The following TXNL1 variants were observed in gnomAD, a reference collection of about 807,000 sequenced individuals.
TXNL1 encodes thioredoxin-like protein 1.
In TXNL1, 14 loss-of-function variants were observed where a neutral mutation model predicts 35.5. The ratio of observed to expected loss-of-function variants is 0.39; its 90% CI spans 0.26 to 0.62. The LOEUF is 0.62. Among genes scored for constraint, TXNL1 ranks in the 20% least tolerant of loss-of-function variants. TXNL1 has a pLI of 0.47. For missense variants in TXNL1, 263 were observed against 349.7 expected, an observed-to-expected ratio of 0.75 and a Z score of 1.98; for synonymous variants, 110 against 115.5, an observed-to-expected ratio of 0.95 and a Z score of 0.31.
intron 1 of TXNL1, among the ~76,000 whole-genome samples, chr18:56,631,013 T>G (rs1161762815): frequency 6.6e-6 from 1 of 152,030 alleles, no homozygotes; most frequent in Non-Finnish European, 1.5e-5. Flanking sequence ...CCCAAGCAGC[T>G]GAGACTACAG....
chr18:56,614,570 A>C lies in TXNL1; in HGVS notation c.589T>G (p.Phe197Val). ...TCCATAGATCGGGGTAGGTTGATAAAAATTTTTACATATTTAGGGCCCTGA... is the reference window on the plus strand; with the variant it reads ...TCCATAGATCGGGGTAGGTTGATAACAATTTTTACATATTTAGGGCCCTGA... ...NGQGPKYVKI[F>V]INLPRSMDFE... Residue 197 changes from phenylalanine to valine, a missense_variant, in exon 6 of 8, where the codon TTT (phenylalanine) becomes GTT (valine). Physicochemically the swap from Phe to Val is conservative, Grantham distance 50. Coordinates refer to ENST00000217515, the MANE Select transcript of TXNL1 (RefSeq NM_004786.3). The C allele has an allele frequency of 6.2e-7, 1 of 1,613,528 alleles. No homozygotes were observed. The highest frequency in any genetic ancestry group is 8.5e-7 in the Non-Finnish European group (1 of 1,179,854).
At chr18:56,614,694 C>T in intron 5 of TXNL1, 98 bp from the exon 6 acceptor site, 1 of 931,200 alleles carries the variant, frequency 1.1e-6, no homozygotes, top group Non-Finnish European at 1.6e-6. Context: ...ACACACAAAT[C>T]AATACACATA....
chr18:56,607,307 G>A (rs577446089), intron 7 of TXNL1, among the ~76,000 whole-genome samples: 67 of 150,920 alleles, frequency 4.4e-4, no homozygotes, highest in East Asian at 4.3e-3. Flanking sequence ...TGCACCCACC[G>A]TCTTGCATGG....
chr18:56,600,634 C>CT lies in TXNL1; in HGVS notation c.*2392dup, dbSNP rs770733336. 2.7e-4 allele frequency: 41 copies of CT among 149,644 alleles called. No individual in the cohort carries two copies. Among genetic ancestry groups the CT allele is most frequent in the Non-Finnish European group, 4.6e-4 (31 of 67,716 alleles). The allele number at this position is 149,644 out of a possible 1,614,324, so 9.3% of individuals were successfully genotyped here. A position where few individuals can be genotyped will look rare whatever the true frequency, so the allele number is the denominator to read the frequency against. The stretch of plus-strand genomic sequence containing the variant: ...GGTTTCAACTCTAATTGTTACGTGG[C>CT]TGCCTCCAACAGTATATTGAGACTG... On this transcript the variant is annotated 3_prime_UTR_variant, in exon 8 of 8. Transcript: ENST00000217515.
chr18:56,603,380 C>T (rs1461314769), intron 7 of TXNL1, among the ~76,000 whole-genome samples: 1 of 150,478 alleles, frequency 6.6e-6, no homozygotes, highest in Non-Finnish European at 1.5e-5. Flanking sequence ...ACATATTTGA[C>T]ATACTATTTT....
At chr18:56,603,635 C>T (rs1598909380) in intron 7 of TXNL1, among the ~76,000 whole-genome samples, 1 of 152,022 alleles carries the variant, frequency 6.6e-6, no homozygotes, top group East Asian at 1.9e-4. Flanking sequence ...TTAGAAAAAT[C>T]CTCTACTGGA....
At chr18:56,624,883 C>T (rs1339543573) in intron 2 of TXNL1, among the ~76,000 whole-genome samples, 1 of 152,094 alleles carries the variant, frequency 6.6e-6, no homozygotes, top group Non-Finnish European at 1.5e-5. Context: ...GCCAATCTGC[C>T]TGTTAAAAAG....
At position 56,610,885 on chromosome 18, in the gene TXNL1, T is replaced by C; in HGVS notation, c.840+108A>G. On this transcript the variant is annotated intron_variant, in intron 7 of 7. Transcript: ENST00000217515. ...CCTTGTAAAATTTCATGACATGATA[T>C]AATTTTGAATTATTTTGTTAAAAGA... 4 of 709,790 alleles carry C rather than the reference T, an allele frequency of 5.6e-6. No homozygotes were observed. In the South Asian group the frequency reaches 6.7e-5, roughly 12 times the overall value. The allele number at this position is 709,790 out of a possible 1,614,324, so 44.0% of individuals were successfully genotyped here.
intron 1 of TXNL1, among the ~76,000 whole-genome samples, chr18:56,627,099 C>A (rs972267032): frequency 6.6e-6 from 1 of 151,760 alleles, no homozygotes; most frequent in African/African-American, 2.4e-5. Flanking sequence ...CAGGCATGAA[C>A]CATAACCCTA....
intron 7 of TXNL1, chr18:56,609,621 A>G (rs2023958135): frequency 6.6e-6 from 1 of 152,228 alleles, no homozygotes; most frequent in Non-Finnish European, 1.5e-5. Flanking sequence ...ATCTTATAAA[A>G]AACTAAGTTA....
intron 4 of TXNL1, among the ~76,000 whole-genome samples, chr18:56,616,957 G>C (rs1290973803): frequency 1.3e-5 from 2 of 152,188 alleles, no homozygotes; most frequent in African/African-American, 4.8e-5. Flanking sequence ...CCAAAAGTGT[G>C]TTTGATGTAC....
At chr18:56,614,698 AC>A (rs2024055429) in intron 5 of TXNL1, 102 bp from the exon 6 acceptor site, 1 of 877,772 alleles carries the variant, frequency 1.1e-6, no homozygotes, top group Admixed American at 3.2e-5. Flanking sequence ...ACAAATCAAT[AC>A]ACATATACTT....
At chr18:56,633,269 A>G (rs1023260245) in intron 1 of TXNL1, among the ~76,000 whole-genome samples, 1 of 151,832 alleles carries the variant, frequency 6.6e-6, no homozygotes, top group African/African-American at 2.4e-5. Flanking sequence ...AACACGGTGA[A>G]ACCCCGTCTC....
At chr18:56,627,742 G>A (rs1310575312) in intron 1 of TXNL1, among the ~76,000 whole-genome samples, 1 of 151,926 alleles carries the variant, frequency 6.6e-6, no homozygotes, top group Admixed American at 6.6e-5. Flanking sequence ...TTCCAGATGG[G>A]TTGTAGATCT....
intron 1 of TXNL1, among the ~76,000 whole-genome samples, chr18:56,636,984 T>G (rs2024465523): frequency 6.6e-6 from 1 of 152,206 alleles, no homozygotes; most frequent in African/African-American, 2.4e-5. Flanking sequence ...TTTATAGAAT[T>G]CTAACATTCC....
chr18:56,637,903 G>T (rs78331670), intron 1 of TXNL1, among the ~76,000 whole-genome samples: 9,845 of 152,280 alleles, frequency 0.065, 1,075 homozygotes, highest in African/African-American at 0.22. Context: ...AAAGGCTTTA[G>T]AGAGATGTAG....
In TXNL1 at chr18:56,616,357, C is replaced by T. The variant is rs182332416; in HGVS notation, c.493-43G>A. On this transcript the variant is annotated intron_variant, in intron 4 of 7. Transcript: ENST00000217515. ...TCATTTTAAAGGGCTCTTGTACACA[C>T]CTTGAGTACATAAACTACTGAAGCA... 1.5e-5 allele frequency: 22 copies of T among 1,506,228 alleles called. No individual in the cohort carries two copies. The Admixed American group carries it at 4.0e-4, about 27-fold the overall frequency. The allele number at this position is 1,506,228 out of a possible 1,614,324, so 93.3% of individuals were successfully genotyped here. A position where few individuals can be genotyped will look rare whatever the true frequency, so the allele number is the denominator to read the frequency against.
At chr18:56,632,121 T>A (rs1216392993) in intron 1 of TXNL1, among the ~76,000 whole-genome samples, 1 of 152,162 alleles carries the variant, frequency 6.6e-6, no homozygotes, top group Non-Finnish European at 1.5e-5. Flanking sequence ...GAGCATTAGC[T>A]TCTTTTTAAT....
In TXNL1 at chr18:56,638,425, G is replaced by A. The variant is rs778177953; in HGVS notation, c.16C>T (p.Pro6Ser). 8 of 1,613,118 alleles carry A rather than the reference G, an allele frequency of 5.0e-6. No homozygotes were observed. The highest frequency in any genetic ancestry group is 6.8e-6 in the Non-Finnish European group (8 of 1,179,590). Residue 6 changes from proline (P) to serine (S), a missense_variant, in exon 1 of 8, where the codon CCC (proline) becomes TCC (serine). By Grantham distance (74) the Pro-to-Ser change is moderately conservative. Coordinates refer to ENST00000217515, the MANE Select transcript of TXNL1 (RefSeq NM_004786.3). The stretch of plus-strand genomic sequence containing the variant: ...TGGAAATCCGGGTCGCTCCCGACGG[G>A]CTTCACCCCCACCATCCTCACAGAG... Reference protein sequence around the residue: MVGVKPVGSDPDFQPE... With the variant: MVGVKSVGSDPDFQPE...
Sources: allele counts gnomAD v4.1 joint callset (sites outside exome capture counted in the v4.1 genomes callset), GRCh38; gene constraint gnomAD v4.1.1; transcripts MANE v1.5; gene names NCBI Gene and HGNC (gene_info 2026-07-23, HGNC 2026-07-21).